The following SLU7 variants were observed in gnomAD, a reference collection of about 807,000 sequenced individuals.
SLU7 encodes the protein pre-mRNA-splicing factor SLU7.
Under a neutral mutation model 87.0 loss-of-function variants are expected in SLU7, and 60 were observed. The observed-to-expected ratio is 0.69, with a 90% CI of 0.56 to 0.86. SLU7 has a LOEUF of 0.86. Among genes scored for constraint, SLU7 ranks in the 40% least tolerant of loss-of-function variants. The pLI is 0.00. For synonymous variants in SLU7, 197 were observed against 222.0 expected (o/e 0.89, Z 1.00); for missense variants, 507 against 686.6 (o/e 0.74, Z 2.92).
chr5:160,411,823 TA>T (rs1046643245), intron 6 of SLU7, among the ~76,000 whole-genome samples: 42 of 152,250 alleles, frequency 2.8e-4, no homozygotes, highest in African/African-American at 9.6e-4. Context: ...TTCATTCATA[TA>T]AAAAATGTTT....
At chr5:160,412,749 G>A (rs1424152417) in intron 5 of SLU7, among the ~76,000 whole-genome samples, 1 of 152,104 alleles carries the variant, frequency 6.6e-6, no homozygotes, top group Non-Finnish European at 1.5e-5. Context: ...AGGCATTAAT[G>A]TAAACTGAGC....
intron 6 of SLU7, among the ~76,000 whole-genome samples, chr5:160,409,660 T>C (rs981101789): frequency 1.1e-4 from 16 of 152,162 alleles, no homozygotes; most frequent in Admixed American, 2.0e-4. Flanking sequence ...CAATGTTTTT[T>C]CAAAACACTG....
Position 160,403,105 on chromosome 5 carries a change from T to C in SLU7, c.*180A>G, listed in dbSNP as rs1383436717. Reference sequence around the variant, plus strand: ...CCCAAAAGCACACTTCATGTGCCTCTTCTTCTTTTCTTGTTTCCTCAGTAT... The same window carrying C: ...CCCAAAAGCACACTTCATGTGCCTCCTCTTCTTTTCTTGTTTCCTCAGTAT... On this transcript the variant is annotated 3_prime_UTR_variant, in exon 16 of 16. Transcript: ENST00000297151. 3 of 407,292 alleles carry C rather than the reference T, an allele frequency of 7.4e-6. No homozygotes were observed. The highest frequency in any genetic ancestry group is 2.1e-5 in the African/African-American group (1 of 48,718). 25.2% of individuals were successfully genotyped at this position (407,292 alleles called of 1,614,324 possible).
At chr5:160,411,753 A>G (rs1313043833) in intron 6 of SLU7, among the ~76,000 whole-genome samples, 1 of 152,204 alleles carries the variant, frequency 6.6e-6, no homozygotes, top group Non-Finnish European at 1.5e-5. Context: ...TATGCATAAT[A>G]TATTTACTCT....
At position 160,412,398 on chromosome 5, in the gene SLU7, T is replaced by C. The variant is rs1450871069; in HGVS notation, c.639+53A>G. The C allele has an allele frequency of 1.0e-5, 11 of 1,091,542 alleles. No homozygotes were observed. In the Middle Eastern group the frequency reaches 7.5e-4, roughly 74 times the overall value. 67.6% of individuals were successfully genotyped at this position (1,091,542 alleles called of 1,614,324 possible). The stretch of plus-strand genomic sequence containing the variant: ...AAATGAATTCTTGTTTCAATTTTCA[T>C]TTCTTTGTTTAAAAGAAATAAAACC... On this transcript the variant is annotated intron_variant, in intron 6 of 15. Transcript: ENST00000297151.
At position 160,407,416 on chromosome 5, in the gene SLU7, T is replaced by C; in HGVS notation, c.1125+60A>G. The C allele has an allele frequency of 6.8e-7, 1 of 1,471,818 alleles. No homozygotes were observed. The allele number at this position is 1,471,818 out of a possible 1,614,324, so 91.2% of individuals were successfully genotyped here. On this transcript the variant is annotated intron_variant, in intron 11 of 15. Transcript: ENST00000297151. The surrounding 1 kb of genome is among the most constrained non-coding windows in gnomAD (Gnocchi z 4.2). ...TATTTTCCAAATGTAAAACTAACGC[T>C]TATTAACTAGTAACTTCTCTTTAAC...
intron 14 of SLU7, 23 bp from the exon 15 acceptor site, chr5:160,404,579 A>G: frequency 6.9e-7 from 1 of 1,453,508 alleles, no homozygotes; most frequent in Non-Finnish European, 9.6e-7. Flanking sequence ...ATTGAAATGC[A>G]GTGTTATTAA....
intron 15 of SLU7, 76 bp downstream of exon 15, chr5:160,404,364 C>T: frequency 1.1e-6 from 1 of 939,740 alleles, no homozygotes; most frequent in Non-Finnish European, 1.7e-6. Flanking sequence ...GACCCTGTCT[C>T]AAAAAAATAA....
At chr5:160,417,056 A>C (rs764367461) in intron 1 of SLU7, 5 of 152,158 alleles carry the variant, frequency 3.3e-5, no homozygotes, top group Non-Finnish European at 7.3e-5. Flanking sequence ...GGTACCTTTC[A>C]CCATGTTTGT....
chr5:160,412,476 G>A lies in SLU7; in HGVS notation c.614C>T (p.Ala205Val), dbSNP rs142295301. 3.2e-5 allele frequency: 49 copies of A among 1,540,284 alleles called. No homozygotes were observed. Among genetic ancestry groups the A allele is most frequent in the Non-Finnish European group, 4.3e-5 (49 of 1,139,076 alleles). ...LKAQKLQEEL[A>V]SGKLVEQANS... is the part of the protein sequence containing the mutation. Reference sequence around the variant, plus strand: ...AGCCTGTTCCACTAATTTTCCTGAGGCTAATTCCTCTTGGAGTTTCTGGGC... The same window carrying A: ...AGCCTGTTCCACTAATTTTCCTGAGACTAATTCCTCTTGGAGTTTCTGGGC... The change falls in exon 6 of 16, where the codon GCC becomes GTC. Residue 205 changes from alanine (A) to valine (V), a missense_variant. Ala to Val is a moderately conservative substitution (Grantham distance 64). Around this residue, in one of 6 missense-constraint regions of SLU7, gnomAD observed 155 missense variants for 154.4 expected, o/e 1.00. Coordinates refer to ENST00000297151, the MANE Select transcript of SLU7 (RefSeq NM_006425.5).
chr5:160,413,686 CT>C, intron 4 of SLU7, 66 bp from the exon 5 acceptor site: 1 of 1,401,198 alleles, frequency 7.1e-7, no homozygotes, highest in Non-Finnish European at 9.8e-7. Context: ...CTTCATACAA[CT>C]TTTACAGAGT....
In SLU7 at chr5:160,407,115, G is replaced by A. The variant is rs191592638; in HGVS notation, c.1125+361C>T. ...TAGAGGATGAAAGACCACATGGGGT[G>A]GAGATGAGCTGTCCCAGAAGAGGTC... On this transcript the variant is annotated intron_variant, in intron 11 of 15. Coordinates refer to ENST00000297151, the MANE Select transcript of SLU7 (RefSeq NM_006425.5). The surrounding 1 kb of genome is among the most constrained non-coding windows in gnomAD (Gnocchi z 4.2). 1.3e-5 allele frequency among the ~76,000 whole-genome samples: 2 copies of A among 152,330 alleles called. No individual in the cohort carries two copies. The highest frequency in any genetic ancestry group is 3.9e-4 in the East Asian group (2 of 5,180).
rs201566243 is a variant in SLU7 at position 160,413,611 on chromosome 5, G to A, written c.415C>T (p.Arg139Ter). 7 of 1,609,178 alleles carry A rather than the reference G, an allele frequency of 4.4e-6. No homozygotes were observed. The Admixed American group carries it at 5.1e-5, about 12-fold the overall frequency. ...KKKDCFERPR[R>*]VGAKFTGTNI... ...GTACCTGTAAATTTGGCTCCAACTC[G>A]CCTAGGTCTCTAAAAACAGAGTAAG... The change falls in exon 5 of 16, where the codon CGA (arginine) becomes TGA (stop). Residue 139 changes from arginine to a stop codon, truncating the protein, a stop_gained. Transcript: ENST00000297151. LOFTEE classifies it high-confidence loss of function.
At position 160,413,408 on chromosome 5, in the gene SLU7, A is replaced by G. The variant is rs188587243; in HGVS notation, c.570+48T>C. 4,407 of 1,570,004 alleles carry G rather than the reference A, an allele frequency of 2.8e-3. 9 individuals carry two copies. Among genetic ancestry groups the G allele is most frequent in the Non-Finnish European group, 3.4e-3 (3,889 of 1,148,354 alleles). Reference sequence around the variant, plus strand: ...AAGTAGAGCTGCTAGAGATACAGCAAAAGGACGATTCTTTAAAAACCCCAG... The same window carrying G: ...AAGTAGAGCTGCTAGAGATACAGCAGAAGGACGATTCTTTAAAAACCCCAG... On this transcript the variant is annotated intron_variant, in intron 5 of 15. Coordinates refer to ENST00000297151, the MANE Select transcript of SLU7 (RefSeq NM_006425.5).
Position 160,404,863 on chromosome 5 carries a change from A to G in SLU7, c.1410T>C (p.Ile470=). Residue 470 remains isoleucine, a synonymous_variant, in exon 14 of 16, where the codon ATT becomes ATC. Coordinates refer to ENST00000297151, the MANE Select transcript of SLU7 (RefSeq NM_006425.5). ...GKEIVNSEEC[I]INEITGEESV... ...ATTCTTCCCCAGTTATCTCATTTAT[A>G]ATACACTCCTCAGAGTTCTGTGGGA... 6.2e-7 allele frequency: 1 copy of G among 1,609,286 alleles called. No individual in the cohort carries two copies. Among genetic ancestry groups the G allele is most frequent in the South Asian group, 1.1e-5 (1 of 90,944 alleles).
chr5:160,407,122 A>G lies in SLU7; in HGVS notation c.1125+354T>C, dbSNP rs991976437. 1.3e-5 allele frequency among the ~76,000 whole-genome samples: 2 copies of G among 152,228 alleles called. No homozygotes were observed. The highest frequency in any genetic ancestry group is 2.4e-5 in the African/African-American group (1 of 41,462). On this transcript the variant is annotated intron_variant, in intron 11 of 15. Coordinates refer to ENST00000297151, the MANE Select transcript of SLU7 (RefSeq NM_006425.5). This position sits in a 1 kb window ranked among gnomAD's most constrained non-coding sequence, Gnocchi z 4.2. Reference sequence around the variant, plus strand: ...TGAAAGACCACATGGGGTGGAGATGAGCTGTCCCAGAAGAGGTCCCCTTAG... The same window carrying G: ...TGAAAGACCACATGGGGTGGAGATGGGCTGTCCCAGAAGAGGTCCCCTTAG...
At chr5:160,418,079 G>C (rs1765533394) in intron 1 of SLU7, among the ~76,000 whole-genome samples, 1 of 152,162 alleles carries the variant, frequency 6.6e-6, no homozygotes, top group South Asian at 2.1e-4. Context: ...GCTTCTCAAA[G>C]GTGTTCTCTT....
At chr5:160,418,893 T>C (rs1262560263) in intron 1 of SLU7, 130 bp downstream of exon 1, 2 of 152,294 alleles carry the variant, frequency 1.3e-5, no homozygotes, top group Non-Finnish European at 2.9e-5. Context: ...CGGTCCCCCG[T>C]CCTCGCTCCC....
chr5:160,405,888 A>C (rs903702665), intron 12 of SLU7, among the ~76,000 whole-genome samples: 1 of 152,226 alleles, frequency 6.6e-6, no homozygotes, highest in Non-Finnish European at 1.5e-5. Context: ...AAAGAGACAT[A>C]ATAACCGCAT....
Sources: gnomAD v4.1 joint callset for allele counts (sites outside exome capture counted in the v4.1 genomes callset) on GRCh38, gnomAD v4.1.1 for gene constraint, gnomAD v4.1.1 regional missense constraint, Gnocchi (gnomAD v3.1) non-coding constraint, MANE v1.5 for transcripts, NCBI Gene and HGNC (gene_info 2026-07-23, HGNC 2026-07-21) for gene names.